DHX57: variants seen among roughly 807,000 people sequenced by gnomAD.
DHX57 encodes the protein DExH-box helicase 57.
DHX57 carries 105 observed loss-of-function variants against 156.2 expected under a neutral mutation model. The observed-to-expected ratio is 0.67, with a 90% CI of 0.57 to 0.79. The LOEUF (loss-of-function observed/expected upper bound fraction) is 0.79. Ranked by LOEUF, DHX57 falls within the 30% of genes least tolerant of loss-of-function variation. The pLI is 0.00. For synonymous variants in DHX57, 704 were observed against 595.6 expected (o/e 1.18, Z -2.65); for missense variants, 1,847 against 1,661.9 (o/e 1.11, Z -1.94).
intron 21 of DHX57, 100 bp from the exon 22 acceptor site, chr2:38,806,793 G>C (rs1395243960): frequency 1.8e-5 from 20 of 1,111,634 alleles, no homozygotes; most frequent in Non-Finnish European, 2.4e-5. Context: ...GCTCAGTCTT[G>C]CTTGAATAGC....
chr2:38,848,269 C>G lies in DHX57; in HGVS notation c.2164G>C (p.Gly722Arg). 1 of 1,582,930 alleles carries G rather than the reference C, an allele frequency of 6.3e-7. No homozygotes were observed. The highest frequency in any genetic ancestry group is 1.2e-5 in the South Asian group (1 of 84,922). ...ATATTTAATGATGCATTTTATTCAC[C>G]TGGTATAGTAATAACGGGGCAGGAA... ...FNSCPVITIP[G>R]RTFPVDQFFL... is the part of the protein sequence containing the mutation. Residue 722 changes from glycine to arginine, a missense_variant and splice_region_variant, in exon 10 of 24, where the codon GGT (glycine) becomes CGT (arginine). Gly to Arg is a moderately radical substitution (Grantham distance 125, BLOSUM62 -2). Coordinates refer to ENST00000457308, the MANE Select transcript of DHX57 (RefSeq NM_198963.3).
At position 38,861,705 on chromosome 2, in the gene DHX57, T is replaced by C. The variant is rs1157257261; in HGVS notation, c.705A>G (p.Ala235=). The C allele has an allele frequency of 4.3e-6, 7 of 1,614,082 alleles. No individual in the cohort carries two copies. Among genetic ancestry groups the C allele is most frequent in the Non-Finnish European group, 5.1e-6 (6 of 1,180,046 alleles). Residue 235 remains alanine, a synonymous_variant, in exon 5 of 24, where the codon GCA becomes GCG. Coordinates refer to ENST00000457308, the MANE Select transcript of DHX57 (RefSeq NM_198963.3). ...TFGERMKISE[A]VNQISLDECM... Reference sequence around the variant, plus strand: ...ACTCATCCAAGCTTATCTGGTTGACTGCCTCAGAGATCTTCATCCTCTCTC... The same window carrying C: ...ACTCATCCAAGCTTATCTGGTTGACCGCCTCAGAGATCTTCATCCTCTCTC...
rs752422590 is a variant in DHX57 at position 38,862,182 on chromosome 2, A to G, written c.535T>C (p.Phe179Leu). 4.3e-6 allele frequency: 7 copies of G among 1,611,348 alleles called. No homozygotes were observed. Among genetic ancestry groups the G allele is most frequent in the African/African-American group, 1.3e-5 (1 of 74,784 alleles). The change falls in exon 4 of 24, where the codon TTT becomes CTT. Residue 179 changes from phenylalanine (F) to leucine (L), a missense_variant. Phe to Leu is a conservative substitution (Grantham distance 22, BLOSUM62 0). Coordinates refer to ENST00000457308, the MANE Select transcript of DHX57 (RefSeq NM_198963.3). The stretch of plus-strand genomic sequence containing the variant: ...TGCACTGCAAATGGGGAGACTGTAA[A>G]TTCTGGAACATAAGGCTCCACTGAG... Reference protein sequence around the residue: ...LASVEPYVPEFTVSPFAVQKL... With the variant: ...LASVEPYVPELTVSPFAVQKL...
chr2:38,815,903 T>C, intron 19 of DHX57: 1 of 522,230 alleles, frequency 1.9e-6, no homozygotes, highest in East Asian at 3.5e-5. Flanking sequence ...CCAAGGATCA[T>C]TTATTTAACT....
intron 6 of DHX57, chr2:38,856,918 A>T (rs1207071080): frequency 6.5e-6 from 1 of 154,048 alleles, no homozygotes; most frequent in Non-Finnish European, 1.4e-5. Context: ...TGCTCAGAGA[A>T]TCAGCCAGAA....
chr2:38,800,882 A>C lies in DHX57; in HGVS notation c.4017+1833T>G, dbSNP rs148170439. On this transcript the variant is annotated intron_variant, in intron 23 of 23. Coordinates refer to ENST00000457308, the MANE Select transcript of DHX57 (RefSeq NM_198963.3). ...GTCTATATGAAATGTGGCCAGCCCA[A>C]ACTGAGATGTGCTGCGAATATAAAA... 1.8e-3 allele frequency among the ~76,000 whole-genome samples: 271 copies of C among 152,304 alleles called. 1 individual carries two copies. The highest frequency in any genetic ancestry group is 3.1e-3 in the Non-Finnish European group (209 of 68,022).
rs981632293 is a variant in DHX57 at position 38,816,104 on chromosome 2, G to C, written c.3472-449C>G. 33 of 471,568 alleles carry C rather than the reference G, an allele frequency of 7.0e-5. No homozygotes were observed. In the Admixed American group the frequency reaches 7.3e-4, roughly 10 times the overall value. 29.2% of individuals were successfully genotyped at this position (471,568 alleles called of 1,614,324 possible). A position where few individuals can be genotyped will look rare whatever the true frequency, so the allele number is the denominator to read the frequency against. ...CCTCTCAGTTCCTTACTCAGGCCTAGAGTGGTTCGTGCTCTCAGTGGAACT... is the reference window on the plus strand; with the variant it reads ...CCTCTCAGTTCCTTACTCAGGCCTACAGTGGTTCGTGCTCTCAGTGGAACT... On this transcript the variant is annotated intron_variant, in intron 19 of 23. Coordinates refer to ENST00000457308, the MANE Select transcript of DHX57 (RefSeq NM_198963.3).
At chr2:38,844,182 G>C (rs531730748) in intron 11 of DHX57, among the ~76,000 whole-genome samples, 2 of 152,188 alleles carry the variant, frequency 1.3e-5, no homozygotes, top group South Asian at 2.1e-4. Flanking sequence ...TTTGGACAAG[G>C]GACTATGGTG....
At chr2:38,839,225 C>T (rs575747612) in intron 12 of DHX57, among the ~76,000 whole-genome samples, 102 of 151,982 alleles carry the variant, frequency 6.7e-4, no homozygotes, top group Middle Eastern at 3.4e-3. Flanking sequence ...CCACCGCGCC[C>T]GGCCACCTCA....
intron 21 of DHX57, chr2:38,810,760 A>G: frequency 1.2e-6 from 1 of 830,586 alleles, no homozygotes; most frequent in Non-Finnish European, 2.0e-6. Context: ...GATTTTGCGC[A>G]CTTCCTGTTC....
At chr2:38,813,968 T>C (rs1426956476) in intron 20 of DHX57, 73 bp from the exon 21 acceptor site, 20 of 1,535,854 alleles carry the variant, frequency 1.3e-5, no homozygotes, top group South Asian at 4.5e-5. Context: ...GATGGAGTCT[T>C]GCTCTGTCAC....
chr2:38,854,563 T>C (rs944432950), intron 8 of DHX57: 3 of 140,746 alleles, frequency 2.1e-5, no homozygotes, highest in African/African-American at 7.6e-5. Flanking sequence ...AGAGTTTTTT[T>C]TTTTTTTTTT....
intron 12 of DHX57, among the ~76,000 whole-genome samples, chr2:38,839,411 G>A (rs1671859667): frequency 6.6e-6 from 1 of 151,832 alleles, no homozygotes; most frequent in Admixed American, 6.6e-5. Flanking sequence ...GAAGTTTGAA[G>A]AGGGACAAAA....
chr2:38,843,269 G>T (rs1352962520), intron 11 of DHX57, 59 bp from the exon 12 acceptor site: 3 of 1,554,848 alleles, frequency 1.9e-6, no homozygotes, highest in East Asian at 2.3e-5. Flanking sequence ...AGGAGGGAAA[G>T]AATTCACCTG....
intron 23 of DHX57, among the ~76,000 whole-genome samples, chr2:38,800,859 CT>C (rs1426226562): frequency 2.0e-5 from 3 of 152,096 alleles, no homozygotes; most frequent in African/African-American, 7.2e-5. Context: ...TATCTAATGT[CT>C]ATATGAAATG....
intron 1 of DHX57, among the ~76,000 whole-genome samples, chr2:38,868,967 A>G (rs1451829693): frequency 2.6e-5 from 4 of 152,036 alleles, no homozygotes; most frequent in Non-Finnish European, 5.9e-5. Flanking sequence ...ACGCCCAGCT[A>G]ATATTTGTAT....
rs780511045 is a variant in DHX57 at position 38,843,035 on chromosome 2, C to G, written c.2395G>C (p.Asp799His). ...TAGCGGGCCAGGAGCTGCTTAAAAT[C>G]TAACTGTTGATCTGGCACTGCATCT... ...VKDAVPDQQL[D>H]FKQLLARYKG... Residue 799 changes from aspartate to histidine, a missense_variant, in exon 12 of 24, where the codon GAT (aspartate) becomes CAT (histidine). Asp to His is a moderately conservative substitution (Grantham distance 81, BLOSUM62 -1). Transcript: ENST00000457308. 3.1e-6 allele frequency: 5 copies of G among 1,614,152 alleles called. No homozygotes were observed. The highest frequency in any genetic ancestry group is 4.5e-5 in the East Asian group (2 of 44,888).
intron 19 of DHX57, among the ~76,000 whole-genome samples, chr2:38,816,390 T>A (rs530362203): frequency 2.4e-4 from 36 of 151,806 alleles, no homozygotes; most frequent in Non-Finnish European, 4.7e-4. Flanking sequence ...AATTTTTGTA[T>A]TTTTAGTAGA....
At chr2:38,856,294 T>C (rs995840502) in intron 7 of DHX57, 46 bp downstream of exon 7, 42 of 1,581,640 alleles carry the variant, frequency 2.7e-5, no homozygotes, top group Non-Finnish European at 3.3e-5. Flanking sequence ...AGGGTGCATA[T>C]AATATTTATA....
Sources: allele counts gnomAD v4.1 joint callset (sites outside exome capture counted in the v4.1 genomes callset), GRCh38; gene constraint gnomAD v4.1.1; transcripts MANE v1.5; gene names NCBI Gene and HGNC (gene_info 2026-07-23, HGNC 2026-07-21).